The following AGAP1 variants were observed in gnomAD, a reference collection of about 807,000 sequenced individuals.
AGAP1 encodes the protein ArfGAP with GTPase domain, ankyrin repeat and PH domain 1, also known as arf-GAP with GTPase, ANK repeat and PH domain-containing protein 1.
In AGAP1, 29 loss-of-function variants were observed where a neutral mutation model predicts 105.3. The ratio of observed to expected loss-of-function variants is 0.28; its 90% CI spans 0.21 to 0.38. The LOEUF (loss-of-function observed/expected upper bound fraction) is 0.38. AGAP1 is among the 10% of genes least tolerant of loss of function. AGAP1 has a pLI of 1.00. For missense variants in AGAP1, 998 were observed against 1,165.1 expected, an observed-to-expected ratio of 0.86 and a Z score of 2.09; for synonymous variants, 509 against 485.9, an observed-to-expected ratio of 1.05 and a Z score of -0.63.
At chr2:235,742,372 T>C (rs886243665) in intron 4 of AGAP1, among the ~76,000 whole-genome samples, 41 of 152,210 alleles carry the variant, frequency 2.7e-4, no homozygotes, top group African/African-American at 9.2e-4. Flanking sequence ...AATTAAACTA[T>C]GAAACAGCCG....
chr2:235,610,533 A>G lies in AGAP1; in HGVS notation c.164-98646A>G, dbSNP rs1470448575. On this transcript the variant is annotated intron_variant, in intron 1 of 17. Coordinates refer to ENST00000304032, the MANE Select transcript of AGAP1 (RefSeq NM_001037131.3). The surrounding 1 kb of genome is among the most constrained non-coding windows in gnomAD (Gnocchi z 4.9). ...TGCTGTCTCTTTTTCTAAGGGTGCT[A>G]ATTCCATCATGAGGGCCCCATCCTT... Among the ~76,000 whole-genome samples the G allele has an allele frequency of 4.6e-5, 7 of 152,030 alleles. No homozygotes were observed. In the South Asian group the frequency reaches 8.3e-4, roughly 18 times the overall value.
chr2:235,714,144 G>A lies in AGAP1; in HGVS notation c.223-3413G>A, dbSNP rs1191091539. On this transcript the variant is annotated intron_variant, in intron 2 of 17. Transcript: ENST00000304032. This position sits in a 1 kb window ranked among gnomAD's most constrained non-coding sequence, Gnocchi z 4.1. ...TTCTCCTGCCTCAGCCTCCTGAGTA[G>A]CTGGGATTACAGGCATGCACCACCA... Among the ~76,000 whole-genome samples, 2 of 152,082 alleles carry A rather than the reference G, an allele frequency of 1.3e-5. No homozygotes were observed. Among genetic ancestry groups the A allele is most frequent in the Non-Finnish European group, 2.9e-5 (2 of 68,014 alleles).
intron 1 of AGAP1, among the ~76,000 whole-genome samples, chr2:235,707,476 C>A: frequency 2.1e-5 from 2 of 93,332 alleles, no homozygotes; most frequent in Admixed American, 9.0e-5. Flanking sequence ...CCCATGACCC[C>A]CCCCCCCCCC....
At position 236,129,094 on chromosome 2, in the gene AGAP1, GC is replaced by G. The variant is rs1372383336; in HGVS notation, c.*4973del. ...TGTCACCCTCATCCTTCCCCAAAAAGCTAAATAAGGGCCTTTGGCATCAATG... is the reference window on the plus strand; with the variant it reads ...TGTCACCCTCATCCTTCCCCAAAAAGTAAATAAGGGCCTTTGGCATCAATG... On this transcript the variant is annotated 3_prime_UTR_variant, in exon 18 of 18. Coordinates refer to ENST00000304032, the MANE Select transcript of AGAP1 (RefSeq NM_001037131.3). This position sits in a 1 kb window ranked among gnomAD's most constrained non-coding sequence, Gnocchi z 6.2. 6.6e-6 allele frequency: 1 copy of G among 152,218 alleles called. No homozygotes were observed. Among genetic ancestry groups the G allele is most frequent in the Non-Finnish European group, 1.5e-5 (1 of 68,036 alleles). The allele number at this position is 152,218 out of a possible 1,614,324, so 9.4% of individuals were successfully genotyped here. A position where few individuals can be genotyped will look rare whatever the true frequency, so the allele number is the denominator to read the frequency against.
chr2:235,893,545 C>T lies in AGAP1; in HGVS notation c.1155+10096C>T, dbSNP rs547178696. ...ACGAGGGTGCACCATGTCTGTGGTGCGGGTGTGCCGTGTCCATCATGAGGG... is the reference window on the plus strand; with the variant it reads ...ACGAGGGTGCACCATGTCTGTGGTGTGGGTGTGCCGTGTCCATCATGAGGG... On this transcript the variant is annotated intron_variant, in intron 10 of 17. Transcript: ENST00000304032. The surrounding 1 kb of genome is among the most constrained non-coding windows in gnomAD (Gnocchi z 4.7). Among the ~76,000 whole-genome samples, 5 of 150,130 alleles carry T rather than the reference C, an allele frequency of 3.3e-5. 1 individual carries two copies. The highest frequency in any genetic ancestry group is 2.0e-4 in the East Asian group (1 of 5,024).
intron 1 of AGAP1, among the ~76,000 whole-genome samples, chr2:235,666,281 A>G (rs1369083944): frequency 6.6e-6 from 1 of 152,234 alleles, no homozygotes; most frequent in Non-Finnish European, 1.5e-5. Context: ...TAGTGTTTAA[A>G]AAGCCACAGG....
At chr2:235,998,322 C>T (rs1453616072) in intron 13 of AGAP1, among the ~76,000 whole-genome samples, 7 of 152,146 alleles carry the variant, frequency 4.6e-5, no homozygotes, top group Non-Finnish European at 1.0e-4. Context: ...GTGGAGAAAT[C>T]TAGGAGAAAG....
chr2:235,845,201 G>C lies in AGAP1; in HGVS notation c.1050+37870G>C, dbSNP rs1961330115. The stretch of plus-strand genomic sequence containing the variant: ...ATGTCAAGGAAATCTGGGAGCAGCA[G>C]CCCAGCCATCCCAGGATCTCACAAA... On this transcript the variant is annotated intron_variant, in intron 9 of 17. Transcript: ENST00000304032. The surrounding 1 kb of genome is among the most constrained non-coding windows in gnomAD (Gnocchi z 4.8). 6.6e-6 allele frequency among the ~76,000 whole-genome samples: 1 copy of C among 152,184 alleles called. No individual in the cohort carries two copies. Among genetic ancestry groups the C allele is most frequent in the Non-Finnish European group, 1.5e-5 (1 of 68,032 alleles).
chr2:235,807,091 C>A, intron 8 of AGAP1, 148 bp from the exon 9 acceptor site: 2 of 678,692 alleles, frequency 2.9e-6, no homozygotes, highest in South Asian at 3.7e-5. Context: ...AACTACTGAG[C>A]TGTCTGCTCG....
intron 12 of AGAP1, among the ~76,000 whole-genome samples, chr2:235,939,642 C>T (rs979940312): frequency 1.3e-5 from 2 of 152,166 alleles, no homozygotes; most frequent in Non-Finnish European, 2.9e-5. Context: ...CCAGCACCCT[C>T]CAACACTGCT....
intron 13 of AGAP1, among the ~76,000 whole-genome samples, chr2:235,974,131 C>T (rs1162236089): frequency 1.3e-5 from 2 of 152,188 alleles, no homozygotes. Context: ...CCTGTTTCCC[C>T]AGTGAAAAGG....
Position 235,690,073 on chromosome 2 carries a change from C to T in AGAP1, c.164-19106C>T, listed in dbSNP as rs148842433. Among the ~76,000 whole-genome samples the T allele has an allele frequency of 9.9e-5, 15 of 152,164 alleles. No homozygotes were observed. Among genetic ancestry groups the T allele is most frequent in the Admixed American group, 3.9e-4 (6 of 15,298 alleles). On this transcript the variant is annotated intron_variant, in intron 1 of 17. Coordinates refer to ENST00000304032, the MANE Select transcript of AGAP1 (RefSeq NM_001037131.3). The surrounding 1 kb of genome is among the most constrained non-coding windows in gnomAD (Gnocchi z 4.1). ...TCTAAGCCCCTGGGTGTCTCTCCCT[C>T]GGGGTTTTCATGCAGTATTGACACT...
rs895116248 is a variant in AGAP1, at chr2:235,659,997, C to A, written c.164-49182C>A. On this transcript the variant is annotated intron_variant, in intron 1 of 17. Coordinates refer to ENST00000304032, the MANE Select transcript of AGAP1 (RefSeq NM_001037131.3). This position sits in a 1 kb window ranked among gnomAD's most constrained non-coding sequence, Gnocchi z 5.0. ...GGGCCCCTCAAGGCTGTAGACCCCT[C>A]TGTCTGACCAGCATCCCATTCCCTG... is the stretch of plus-strand genomic sequence containing the variant. Among the ~76,000 whole-genome samples the A allele has an allele frequency of 1.3e-5, 2 of 152,238 alleles. No individual in the cohort carries two copies. Among genetic ancestry groups the A allele is most frequent in the Non-Finnish European group, 2.9e-5 (2 of 68,032 alleles).
intron 1 of AGAP1, among the ~76,000 whole-genome samples, chr2:235,546,330 C>T (rs758068116): frequency 1.8e-4 from 27 of 152,128 alleles, no homozygotes; most frequent in Non-Finnish European, 3.5e-4. Flanking sequence ...GATTATATCC[C>T]ACAAAGAGAA....
chr2:235,747,663 C>T lies in AGAP1; in HGVS notation c.539-2691C>T, dbSNP rs928465485. 2.6e-4 allele frequency among the ~76,000 whole-genome samples: 40 copies of T among 152,216 alleles called. No individual in the cohort carries two copies. In the South Asian group the frequency reaches 3.7e-3, roughly 14 times the overall value. ...CCTGATGGCAGGAAGCTGGCATGCA[C>T]GTGGGCTCTGAGGGTCCCTGCCGCG... On this transcript the variant is annotated intron_variant, in intron 5 of 17. Transcript: ENST00000304032. This position sits in a 1 kb window ranked among gnomAD's most constrained non-coding sequence, Gnocchi z 5.0.
In AGAP1 at chr2:235,689,920, A is replaced by AT. The variant is rs958607798; in HGVS notation, c.164-19248dup. Among the ~76,000 whole-genome samples, 125 of 148,174 alleles carry AT rather than the reference A, an allele frequency of 8.4e-4. 1 individual carries two copies. The highest frequency in any genetic ancestry group is 1.5e-3 in the African/African-American group (62 of 40,550). ...CAGAACCTATAGTGTCATTTGTGGT[A>AT]TTTTTTTTTTTAAATACTGCTTTTG... On this transcript the variant is annotated intron_variant, in intron 1 of 17. Transcript: ENST00000304032. The surrounding 1 kb of genome is among the most constrained non-coding windows in gnomAD (Gnocchi z 4.2).
intron 16 of AGAP1, among the ~76,000 whole-genome samples, chr2:236,065,029 T>C (rs1321728248): frequency 6.6e-6 from 1 of 152,190 alleles, no homozygotes; most frequent in Non-Finnish European, 1.5e-5. Flanking sequence ...TGGAAGTAAG[T>C]GGCCAGGCAA....
At chr2:235,894,784 C>A (rs542172893) in intron 10 of AGAP1, among the ~76,000 whole-genome samples, 2 of 152,278 alleles carry the variant, frequency 1.3e-5, no homozygotes, top group East Asian at 3.9e-4. Flanking sequence ...GATTCGGCTC[C>A]TCTCTTAGCT....
rs1240455378 is a variant in AGAP1, at chr2:235,883,816, C to A, written c.1155+367C>A. ...ATGAAGGAAACAATTACATTTGAAC[C>A]CAGGATTTAGCTTTGAAAAGCTGTG... On this transcript the variant is annotated intron_variant, in intron 10 of 17. Coordinates refer to ENST00000304032, the MANE Select transcript of AGAP1 (RefSeq NM_001037131.3). The surrounding 1 kb of genome is among the most constrained non-coding windows in gnomAD (Gnocchi z 4.5). 6.6e-6 allele frequency among the ~76,000 whole-genome samples: 1 copy of A among 152,060 alleles called. No individual in the cohort carries two copies. The highest frequency in any genetic ancestry group is 1.5e-5 in the Non-Finnish European group (1 of 68,024).
Sources: allele counts gnomAD v4.1 joint callset (sites outside exome capture counted in the v4.1 genomes callset), GRCh38; gene constraint gnomAD v4.1.1; non-coding constraint Gnocchi (gnomAD v3.1); transcripts MANE v1.5; gene names NCBI Gene and HGNC (gene_info 2026-07-23, HGNC 2026-07-21).